Variants in MORN5 observed in about 807,000 individuals in gnomAD.
The protein encoded by MORN5 is MORN repeat-containing protein 5.
MORN5 carries 21 observed loss-of-function variants against 22.1 expected under a neutral mutation model. The ratio of observed to expected loss-of-function variants is 0.95; its 90% CI spans 0.67 to 1.37. MORN5 has a LOEUF of 1.37. Ranked by LOEUF, MORN5 falls within the 40% of genes most tolerant of loss-of-function variation. The pLI is 0.00. For synonymous variants in MORN5, 73 were observed against 74.0 expected (o/e 0.99, Z 0.07); for missense variants, 211 against 215.1 (o/e 0.98, Z 0.12).
intron 4 of MORN5, among the ~76,000 whole-genome samples, chr9:122,175,130 T>C (rs1405327022): frequency 1.3e-5 from 2 of 152,206 alleles, no homozygotes; most frequent in African/African-American, 4.8e-5. Flanking sequence ...GGACGGATGC[T>C]GTGGGAGCAC....
chr9:122,161,394 T>C (rs80030242), intron 1 of MORN5, among the ~76,000 whole-genome samples: 2,365 of 152,310 alleles, frequency 0.016, 63 homozygotes, highest in African/African-American at 0.052. Context: ...AGGTGACCCT[T>C]ACAGGGCTTG....
At chr9:122,180,276 T>TTTC (rs1292930091) in intron 4 of MORN5, among the ~76,000 whole-genome samples, 2 of 146,980 alleles carry the variant, frequency 1.4e-5, no homozygotes, top group African/African-American at 2.5e-5. Flanking sequence ...TCTATGACAT[T>TTTC]TTCTTCTTTT....
intron 2 of MORN5, among the ~76,000 whole-genome samples, chr9:122,168,497 C>T (rs1487805546): frequency 6.6e-6 from 1 of 152,162 alleles, no homozygotes; most frequent in Non-Finnish European, 1.5e-5. Context: ...AGAAAGGCTC[C>T]TTGTTTTATA....
At chr9:122,174,040 T>C (rs566656878) in intron 3 of MORN5, among the ~76,000 whole-genome samples, 7 of 152,248 alleles carry the variant, frequency 4.6e-5, no homozygotes, top group Non-Finnish European at 1.0e-4. Context: ...TCTTTTCTGC[T>C]GTTCTCCTTC....
intron 1 of MORN5, among the ~76,000 whole-genome samples, chr9:122,166,439 G>A (rs1033544316): frequency 5.9e-5 from 9 of 152,192 alleles, no homozygotes; most frequent in Admixed American, 2.0e-4. Context: ...CTGGGCTCTA[G>A]TGTCCACAGT....
chr9:122,198,213 T>C lies in MORN5; in HGVS notation c.440-1672T>C, dbSNP rs186369713. 3.9e-3 allele frequency among the ~76,000 whole-genome samples: 600 copies of C among 152,320 alleles called. 6 individuals are homozygous for C. Among genetic ancestry groups the C allele is most frequent in the African/African-American group, 0.014 (572 of 41,556 alleles). On this transcript the variant is annotated intron_variant, in intron 4 of 4. Coordinates refer to ENST00000373764, the MANE Select transcript of MORN5 (RefSeq NM_198469.4). ...AAGCACCAAGCACACATAGGCTGTC[T>C]GTGAGCCTCCATCTCTCTGCCCCTG...
At chr9:122,193,619 G>A (rs879228311) in intron 4 of MORN5, among the ~76,000 whole-genome samples, 1 of 152,224 alleles carries the variant, frequency 6.6e-6, no homozygotes, top group South Asian at 2.1e-4. Flanking sequence ...AAATGTAAAT[G>A]TTTAAACTAT....
chr9:122,187,062 C>T (rs1829652511), intron 4 of MORN5, among the ~76,000 whole-genome samples: 1 of 152,246 alleles, frequency 6.6e-6, no homozygotes, highest in South Asian at 2.1e-4. Context: ...GAAATAGACC[C>T]CCCTTCCAGG....
chr9:122,174,827 G>T (rs1829424204), intron 4 of MORN5, 200 bp downstream of exon 4: 1 of 1,411,838 alleles, frequency 7.1e-7, no homozygotes, highest in Non-Finnish European at 9.2e-7. Context: ...TGAGGTAAAA[G>T]CACATTCGTG....
chr9:122,199,557 G>T (rs564226449), intron 4 of MORN5, among the ~76,000 whole-genome samples: 6 of 152,084 alleles, frequency 3.9e-5, no homozygotes, highest in Admixed American at 1.3e-4. Context: ...GCTGTCGTGC[G>T]TGGGCTGTCA....
rs757083763 is a variant in MORN5 at position 122,189,198 on chromosome 9, GA to G, written c.440-10674del. 5.5e-3 allele frequency among the ~76,000 whole-genome samples: 765 copies of G among 139,396 alleles called. 4 individuals carry two copies. The highest frequency in any genetic ancestry group is 0.016 in the African/African-American group (592 of 38,176). 91.4% of individuals were successfully genotyped at this position (139,396 alleles called of 152,430 possible). ...TGACAGAGCGAGACTCCATCTGGAG[GA>G]AAAAAAAAAAAAGATATGTATGTTT... On this transcript the variant is annotated intron_variant, in intron 4 of 4. Transcript: ENST00000373764.
chr9:122,198,497 G>T (rs7030738), intron 4 of MORN5, among the ~76,000 whole-genome samples: 98,990 of 151,806 alleles, frequency 0.65, 33,696 homozygotes, highest in Middle Eastern at 0.75. Flanking sequence ...TAAAGGCAGG[G>T]AGTGGCACCA....
intron 4 of MORN5, among the ~76,000 whole-genome samples, chr9:122,184,948 A>T (rs1387320380): frequency 6.6e-6 from 1 of 152,272 alleles, no homozygotes; most frequent in Non-Finnish European, 1.5e-5. Flanking sequence ...CCTATATTTT[A>T]TAGAGATATA....
chr9:122,167,408 A>G (rs908788322), intron 2 of MORN5, among the ~76,000 whole-genome samples: 4 of 130,284 alleles, frequency 3.1e-5, no homozygotes, highest in Non-Finnish European at 6.2e-5. Context: ...GCTGGAGTGC[A>G]GTGGTGTGAT....
At chr9:122,162,379 A>G (rs1829213949) in intron 1 of MORN5, among the ~76,000 whole-genome samples, 1 of 152,060 alleles carries the variant, frequency 6.6e-6, no homozygotes, top group African/African-American at 2.4e-5. Context: ...GTTTATGTAG[A>G]CTCTCCATGG....
At chr9:122,177,766 G>C (rs1055831914) in intron 4 of MORN5, among the ~76,000 whole-genome samples, 3 of 152,178 alleles carry the variant, frequency 2.0e-5, no homozygotes, top group African/African-American at 7.2e-5. Flanking sequence ...CACCCCTTTT[G>C]TTGCTCAGCA....
intron 1 of MORN5, among the ~76,000 whole-genome samples, chr9:122,166,280 T>TTATATATATA (rs145965768): frequency 8.0e-5 from 12 of 149,742 alleles, no homozygotes; most frequent in African/African-American, 2.8e-4. Flanking sequence ...GTATCCAAGA[T>TTATATATATA]TATATATATA....
rs1259820976 is a variant in MORN5, at chr9:122,180,309, G to A, written c.439+5682G>A. On this transcript the variant is annotated intron_variant, in intron 4 of 4. Transcript: ENST00000373764. ...TTTTTTTTTTTTTTTTTTTTGAGAC[G>A]GAGTCTCACTCTGTCACCTAGGCTG... 4.2e-5 allele frequency among the ~76,000 whole-genome samples: 5 copies of A among 118,302 alleles called. No individual in the cohort carries two copies. The East Asian group carries it at 6.6e-4, about 16-fold the overall frequency. The allele number at this position is 118,302 out of a possible 152,430, so 77.6% of individuals were successfully genotyped here.
chr9:122,184,094 GC>G (rs1260811910), intron 4 of MORN5, among the ~76,000 whole-genome samples: 2 of 152,196 alleles, frequency 1.3e-5, no homozygotes, highest in Non-Finnish European at 2.9e-5. Flanking sequence ...CCATGACTGA[GC>G]TTTTGCCATG....
Sources: gnomAD v4.1 joint callset for allele counts (sites outside exome capture counted in the v4.1 genomes callset) on GRCh38, gnomAD v4.1.1 for gene constraint, MANE v1.5 for transcripts, NCBI Gene and HGNC (gene_info 2026-07-23, HGNC 2026-07-21) for gene names.